Variants in TIAM1 observed in about 807,000 individuals in gnomAD.
TIAM1 encodes rho guanine nucleotide exchange factor TIAM1.
Under a neutral mutation model 163.5 loss-of-function variants are expected in TIAM1, and 65 were observed. The observed-to-expected ratio is 0.40, with a 90% CI of 0.33 to 0.49. TIAM1 has a LOEUF of 0.49. Among genes scored for constraint, TIAM1 ranks in the 20% least tolerant of loss-of-function variants. The pLI, the probability that TIAM1 is intolerant of heterozygous loss-of-function variation, is 0.77. For missense variants in TIAM1, 1,789 were observed against 2,044.7 expected (o/e 0.87, Z 2.41); for synonymous variants, 833 against 810.1 (o/e 1.03, Z -0.48).
chr21:31,451,364 TA>T (rs1163590530), intron 2 of TIAM1, among the ~76,000 whole-genome samples: 1 of 152,242 alleles, frequency 6.6e-6, no homozygotes, highest in African/African-American at 2.4e-5. Flanking sequence ...CATGAATTTT[TA>T]AATTCAGATA....
chr21:31,118,852 C>T lies in TIAM1; in HGVS notation c.*1516G>A, dbSNP rs2081899056. The stretch of plus-strand genomic sequence containing the variant: ...AGGCGGGGGGAATACAGGGTGGGAA[C>T]GCAGGAAAAGCAGGCAGAGGCACAA... On this transcript the variant is annotated 3_prime_UTR_variant, in exon 28 of 28. Coordinates refer to ENST00000541036, the MANE Select transcript of TIAM1 (RefSeq NM_001353694.2). 5.9e-6 allele frequency: 2 copies of T among 339,968 alleles called. No homozygotes were observed. The highest frequency in any genetic ancestry group is 1.1e-5 in the Non-Finnish European group (2 of 174,188). The allele number at this position is 339,968 out of a possible 1,614,324, so 21.1% of individuals were successfully genotyped here.
At chr21:31,166,497 A>G (rs544620696) in intron 15 of TIAM1, among the ~76,000 whole-genome samples, 34 of 152,178 alleles carry the variant, frequency 2.2e-4, no homozygotes, top group Non-Finnish European at 3.8e-4. Context: ...CCCCTGAGCA[A>G]ACTTGGCACC....
intron 15 of TIAM1, among the ~76,000 whole-genome samples, chr21:31,171,035 CAAAAAAAA>C (rs34291568): frequency 6.0e-3 from 118 of 19,572 alleles, no homozygotes; most frequent in African/African-American, 0.012. Flanking sequence ...GACTCCATCT[CAAAAAAAA>C]AAAAAAAAAA....
At chr21:31,485,189 G>A (rs972414306) in intron 1 of TIAM1, among the ~76,000 whole-genome samples, 2 of 152,204 alleles carry the variant, frequency 1.3e-5, no homozygotes, top group African/African-American at 4.8e-5. Flanking sequence ...AACAGAGACT[G>A]AAGAGCAAGT....
intron 2 of TIAM1, among the ~76,000 whole-genome samples, chr21:31,280,035 C>T (rs1476458364): frequency 6.6e-6 from 1 of 151,638 alleles, no homozygotes; most frequent in Non-Finnish European, 1.5e-5. Flanking sequence ...CGTGCGCGCA[C>T]ACACACACAC....
chr21:31,433,747 G>A (rs937606631), intron 2 of TIAM1, among the ~76,000 whole-genome samples: 14 of 151,962 alleles, frequency 9.2e-5, no homozygotes, highest in African/African-American at 1.9e-4. Context: ...CAGGGAATAC[G>A]TTATTCCACA....
intron 1 of TIAM1, among the ~76,000 whole-genome samples, chr21:31,533,631 G>A (rs2048036778): frequency 1.3e-5 from 2 of 152,110 alleles, no homozygotes; most frequent in Non-Finnish European, 2.9e-5. Flanking sequence ...TACCAGGGAG[G>A]CTGAGGTGGC....
intron 11 of TIAM1, among the ~76,000 whole-genome samples, chr21:31,207,225 C>T (rs2086496090): frequency 6.6e-6 from 1 of 152,142 alleles, no homozygotes; most frequent in Non-Finnish European, 1.5e-5. Context: ...AACAATCATT[C>T]CAGTAACATC....
At chr21:31,229,467 C>A (rs2088270759) in intron 6 of TIAM1, among the ~76,000 whole-genome samples, 1 of 152,074 alleles carries the variant, frequency 6.6e-6, no homozygotes, top group African/African-American at 2.4e-5. Context: ...ACTGTCCTTA[C>A]AAAACTACAA....
chr21:31,252,224 CGTCACGTGGAGAAGGAACCCAGG>C (rs771305137), intron 4 of TIAM1, 35 bp from the exon 5 acceptor site: 9 of 1,580,170 alleles, frequency 5.7e-6, no homozygotes, highest in East Asian at 4.5e-5. Flanking sequence ...AGAAGACAAG[CGTCACGTGGAGAAGGAACCCAGG>C]GTCACGTGGA....
At chr21:31,365,938 T>C (rs1365491219) in intron 2 of TIAM1, among the ~76,000 whole-genome samples, 1 of 151,386 alleles carries the variant, frequency 6.6e-6, no homozygotes, top group East Asian at 2.0e-4. Context: ...CCGTCTGTAC[T>C]AAAATATACA....
chr21:31,346,896 G>A (rs894252489), upstream of TIAM1, among the ~76,000 whole-genome samples: 1 of 151,900 alleles, frequency 6.6e-6, no homozygotes, highest in Non-Finnish European at 1.5e-5. Flanking sequence ...TGGGTGGGGG[G>A]CATATACTTT....
chr21:31,136,873 C>T (rs1465181396), intron 22 of TIAM1, among the ~76,000 whole-genome samples: 7 of 152,186 alleles, frequency 4.6e-5, no homozygotes, highest in South Asian at 2.1e-4. Flanking sequence ...ATTTCAAAGA[C>T]GACTTTATTT....
chr21:31,163,033 C>G (rs750750059), intron 16 of TIAM1, among the ~76,000 whole-genome samples: 3 of 152,090 alleles, frequency 2.0e-5, no homozygotes, highest in Non-Finnish European at 4.4e-5. Flanking sequence ...GACCTCATGA[C>G]TCACTATATT....
At position 31,335,477 on chromosome 21, in the gene TIAM1, G is replaced by A. The variant is rs372218638; in HGVS notation, c.-189+3766C>T. Among the ~76,000 whole-genome samples, 243 of 152,218 alleles carry A rather than the reference G, an allele frequency of 1.6e-3. 1 individual carries two copies. Among genetic ancestry groups the A allele is most frequent in the African/African-American group, 5.6e-3 (232 of 41,532 alleles). ...CTTGTAATCCCGGGAGGCCAAGGCA[G>A]GTGGATCACCTGAGGTCAGGAGTTC... On this transcript the variant is annotated intron_variant, in intron 2 of 27. Coordinates refer to ENST00000541036, the MANE Select transcript of TIAM1 (RefSeq NM_001353694.2).
At chr21:31,336,387 T>C (rs1356850897) in intron 2 of TIAM1, among the ~76,000 whole-genome samples, 1 of 151,760 alleles carries the variant, frequency 6.6e-6, no homozygotes, top group African/African-American at 2.4e-5. Flanking sequence ...AGCCAAGAGA[T>C]GACACATCCA....
intron 1 of TIAM1, among the ~76,000 whole-genome samples, chr21:31,553,149 G>A (rs1015333912): frequency 1.1e-4 from 16 of 152,182 alleles, no homozygotes; most frequent in African/African-American, 3.9e-4. Flanking sequence ...ACCAAAGTGG[G>A]TCATTTTTGA....
At chr21:31,496,143 AT>A (rs1384681820) in intron 1 of TIAM1, among the ~76,000 whole-genome samples, 3 of 152,184 alleles carry the variant, frequency 2.0e-5, no homozygotes, top group Non-Finnish European at 4.4e-5. Context: ...AGTTAAAAAA[AT>A]AAAATAAAAT....
intron 2 of TIAM1, among the ~76,000 whole-genome samples, chr21:31,415,495 C>G (rs2043340371): frequency 2.0e-5 from 3 of 152,190 alleles, no homozygotes; most frequent in Admixed American, 6.5e-5. Context: ...TCTAACCCAG[C>G]AATCAGGGAT....
Sources: gnomAD v4.1 joint callset for allele counts (sites outside exome capture counted in the v4.1 genomes callset) on GRCh38, gnomAD v4.1.1 for gene constraint, MANE v1.5 for transcripts, NCBI Gene and HGNC (gene_info 2026-07-23, HGNC 2026-07-21) for gene names.